PTK2: variants seen among roughly 807,000 people sequenced by gnomAD.
The protein encoded by PTK2 is focal adhesion kinase 1.
In PTK2, 45 loss-of-function variants were observed where a neutral mutation model predicts 150.1. The observed-to-expected ratio is 0.30, with a 90% confidence interval of 0.24 to 0.38. The LOEUF is 0.38. Among genes scored for constraint, PTK2 ranks in the 10% least tolerant of loss-of-function variants. The pLI, the probability that PTK2 is intolerant of heterozygous loss-of-function variation, is 1.00. For synonymous variants in PTK2, 432 were observed against 449.2 expected (o/e 0.96, Z 0.48); for missense variants, 919 against 1,307.3 (o/e 0.70, Z 4.58).
chr8:140,874,203 A>G (rs1196738684), intron 4 of PTK2, among the ~76,000 whole-genome samples: 2 of 152,156 alleles, frequency 1.3e-5, no homozygotes. Context: ...GACAGTTATG[A>G]CCAAATACGT....
chr8:140,923,631 G>A (rs1470272965), intron 2 of PTK2, among the ~76,000 whole-genome samples: 3 of 152,186 alleles, frequency 2.0e-5, no homozygotes, highest in South Asian at 2.1e-4. Flanking sequence ...GTGAAAAAGC[G>A]TAAGCAGTCC....
chr8:140,980,688 T>G (rs1569536596), intron 1 of PTK2, among the ~76,000 whole-genome samples: 1 of 151,326 alleles, frequency 6.6e-6, no homozygotes, highest in Admixed American at 6.6e-5. Context: ...AAACAGGTAC[T>G]TGTCCTTCAA....
At chr8:140,829,611 TCTC>T (rs1021204712) in intron 8 of PTK2, among the ~76,000 whole-genome samples, 22 of 152,126 alleles carry the variant, frequency 1.4e-4, no homozygotes, top group African/African-American at 5.1e-4. Context: ...ATGAGTATCT[TCTC>T]CTGCTTGGGC....
chr8:140,767,292 A>G (rs768350506), intron 14 of PTK2, among the ~76,000 whole-genome samples: 1 of 151,714 alleles, frequency 6.6e-6, no homozygotes, highest in Non-Finnish European at 1.5e-5. Flanking sequence ...AATTGTACAT[A>G]AAATCTCTGG....
intron 1 of PTK2, among the ~76,000 whole-genome samples, chr8:140,930,294 T>G (rs1394374544): frequency 2.0e-5 from 3 of 152,062 alleles, no homozygotes; most frequent in Non-Finnish European, 4.4e-5. Context: ...CAGAAACATA[T>G]CAAAAAAATA....
At chr8:140,662,290 C>G (rs1422275339) in intron 31 of PTK2, among the ~76,000 whole-genome samples, 1 of 150,406 alleles carries the variant, frequency 6.6e-6, no homozygotes, top group Non-Finnish European at 1.5e-5. Flanking sequence ...GAGACAGACC[C>G]TGTCTCAAAA....
At chr8:140,698,229 C>T (rs1395913349) in intron 26 of PTK2, among the ~76,000 whole-genome samples, 1 of 152,082 alleles carries the variant, frequency 6.6e-6, no homozygotes. Context: ...TGGTAGCAAA[C>T]CCTTTGTCCA....
intron 1 of PTK2, among the ~76,000 whole-genome samples, chr8:140,938,244 T>C (rs2100174406): frequency 1.3e-5 from 2 of 152,218 alleles, no homozygotes; most frequent in African/African-American, 4.8e-5. Context: ...GACCGCTCTG[T>C]GACCCAGCCA....
chr8:140,708,018 A>G (rs777563619), intron 23 of PTK2, among the ~76,000 whole-genome samples: 1 of 152,186 alleles, frequency 6.6e-6, no homozygotes, highest in Non-Finnish European at 1.5e-5. Context: ...TTGTGGGATA[A>G]ATGAATTCAA....
At chr8:140,969,876 C>T (rs531238265) in intron 1 of PTK2, among the ~76,000 whole-genome samples, 5 of 152,250 alleles carry the variant, frequency 3.3e-5, no homozygotes, top group Non-Finnish European at 7.3e-5. Flanking sequence ...GAAGCCAGAA[C>T]TACATTTCCT....
At position 140,687,114 on chromosome 8, in the gene PTK2, T is replaced by C. The variant is rs1241290489; in HGVS notation, c.2500-420A>G. On this transcript the variant is annotated intron_variant, in intron 26 of 31. Transcript: ENST00000522684. ...GCAAATGAGTTCAATTACAAGACTG[T>C]TTTCCCACACTGCATCTAGAATATA... is the stretch of plus-strand genomic sequence containing the variant. 6 of 179,138 alleles carry C rather than the reference T, an allele frequency of 3.3e-5. No homozygotes were observed. The East Asian group carries it at 1.0e-3, about 31-fold the overall frequency. 11.1% of individuals were successfully genotyped at this position (179,138 alleles called of 1,614,324 possible).
intron 1 of PTK2, among the ~76,000 whole-genome samples, chr8:140,988,847 A>G (rs1012912858): frequency 3.9e-5 from 6 of 152,182 alleles, no homozygotes; most frequent in African/African-American, 1.4e-4. Flanking sequence ...TGTTGGGATA[A>G]CTAGATGTCC....
intron 13 of PTK2, 43 bp from the exon 14 acceptor site, chr8:140,789,569 C>T: frequency 6.3e-7 from 1 of 1,589,898 alleles, no homozygotes; most frequent in African/African-American, 1.3e-5. Flanking sequence ...GCAATTTCCC[C>T]AGGACCCCGC....
chr8:140,972,820 T>C (rs1481628526), intron 1 of PTK2, among the ~76,000 whole-genome samples: 2 of 151,826 alleles, frequency 1.3e-5, no homozygotes, highest in African/African-American at 4.8e-5. Flanking sequence ...CTTTTCCTTT[T>C]AAACTAAGTC....
intron 1 of PTK2, among the ~76,000 whole-genome samples, chr8:140,987,433 G>A (rs902691041): frequency 1.3e-5 from 2 of 152,076 alleles, no homozygotes; most frequent in South Asian, 2.1e-4. Context: ...CACCTGCCTC[G>A]GCCTCCCAAA....
intron 7 of PTK2, among the ~76,000 whole-genome samples, chr8:140,845,525 C>G (rs1317135071): frequency 6.6e-6 from 1 of 152,180 alleles, no homozygotes; most frequent in Non-Finnish European, 1.5e-5. Flanking sequence ...GTGAAAACAC[C>G]TCACACATCA....
At chr8:140,917,618 T>G (rs936315372) in intron 2 of PTK2, among the ~76,000 whole-genome samples, 3 of 152,170 alleles carry the variant, frequency 2.0e-5, no homozygotes, top group Non-Finnish European at 2.9e-5. Flanking sequence ...TACAAAACAC[T>G]GTATTAATCA....
At chr8:140,701,809 G>T (rs2100030631) in intron 25 of PTK2, among the ~76,000 whole-genome samples, 1 of 151,990 alleles carries the variant, frequency 6.6e-6, no homozygotes, top group Admixed American at 6.6e-5. Context: ...TGAGTAGATG[G>T]GGTATCCTGA....
intron 16 of PTK2, among the ~76,000 whole-genome samples, chr8:140,760,258 A>ATG (rs1433948860): frequency 3.9e-5 from 6 of 152,112 alleles, no homozygotes; most frequent in Non-Finnish European, 7.4e-5. Flanking sequence ...ATATATATAT[A>ATG]TCCACAGAAA....
Sources: gnomAD v4.1 joint callset for allele counts (sites outside exome capture counted in the v4.1 genomes callset) on GRCh38, gnomAD v4.1.1 for gene constraint, MANE v1.5 for transcripts, NCBI Gene and HGNC (gene_info 2026-07-23, HGNC 2026-07-21) for gene names.